The following CPLANE1 variants were observed in gnomAD, a reference collection of about 807,000 sequenced individuals.
The protein encoded by CPLANE1 is ciliogenesis and planar polarity effector complex subunit 1.
In CPLANE1, 263 loss-of-function variants were observed where a neutral mutation model predicts 362.5. The observed-to-expected ratio is 0.73, with a 90% CI of 0.66 to 0.80. The LOEUF (loss-of-function observed/expected upper bound fraction) is 0.80. Among genes scored for constraint, CPLANE1 ranks in the 30% least tolerant of loss-of-function variants. The pLI, the probability that CPLANE1 is intolerant of heterozygous loss-of-function variation, is 0.00. For missense variants in CPLANE1, 3,461 were observed against 3,793.4 expected, an observed-to-expected ratio of 0.91 and a Z score of 2.30; for synonymous variants, 1,212 against 1,302.6, an observed-to-expected ratio of 0.93 and a Z score of 1.50.
At chr5:37,086,100 T>C in the CPLANE1 span, among the ~76,000 whole-genome samples, 1 of 152,112 alleles carries the variant, frequency 6.6e-6, no homozygotes, top group South Asian at 2.1e-4. Context: ...AACACAATAA[T>C]AGTGGGGGAC....
At chr5:37,213,941 C>T (rs574125540) in intron 15 of CPLANE1, among the ~76,000 whole-genome samples, 1 of 152,126 alleles carries the variant, frequency 6.6e-6, no homozygotes, top group African/African-American at 2.4e-5. Context: ...TTGAACTTCA[C>T]GGGTTTGAAC....
intron 14 of CPLANE1, among the ~76,000 whole-genome samples, chr5:37,223,266 T>TA (rs1795742520): frequency 2.0e-5 from 3 of 152,220 alleles, no homozygotes; most frequent in Admixed American, 1.3e-4. Context: ...TACTCAATTT[T>TA]AAATGTCAAC....
intron 15 of CPLANE1, among the ~76,000 whole-genome samples, chr5:37,219,943 A>C (rs769044261): frequency 6.6e-6 from 1 of 152,148 alleles, no homozygotes; most frequent in Non-Finnish European, 1.5e-5. Context: ...TGAACATAAA[A>C]ATTTAAAAAG....
rs147492304 is a variant in CPLANE1, at chr5:37,108,494, C to T, written c.9401-23G>A. On this transcript the variant is annotated intron_variant, in intron 51 of 52. Transcript: ENST00000651892. ...AGCCTTTTAAGGGATAAGAACAAAG[C>T]ACACATTGGGATTGATTCATTCATT... 72 of 1,591,722 alleles carry T rather than the reference C, an allele frequency of 4.5e-5. No homozygotes were observed. The African/African-American group carries it at 8.1e-4, about 18-fold the overall frequency.
chr5:37,079,675 T>C, the CPLANE1 span, among the ~76,000 whole-genome samples: 6 of 152,208 alleles, frequency 3.9e-5, no homozygotes, highest in Non-Finnish European at 7.3e-5. Context: ...TCAGGGTCTC[T>C]ACGTCACAAG....
chr5:37,216,196 A>G (rs945986824), intron 15 of CPLANE1, among the ~76,000 whole-genome samples: 7 of 152,150 alleles, frequency 4.6e-5, no homozygotes, highest in Non-Finnish European at 7.3e-5. Flanking sequence ...TACTCCCATT[A>G]GTAATAGTAG....
chr5:37,248,223 G>C (rs1454214626), intron 1 of CPLANE1, among the ~76,000 whole-genome samples: 1 of 150,246 alleles, frequency 6.7e-6, no homozygotes, highest in Non-Finnish European at 1.5e-5. Flanking sequence ...CGCCTCCCGG[G>C]TTCAAGCGAT....
chr5:37,139,501 T>C (rs1561376831), intron 44 of CPLANE1, 131 bp from the exon 45 acceptor site: 1 of 1,095,698 alleles, frequency 9.1e-7, no homozygotes, highest in Non-Finnish European at 1.2e-6. Context: ...TTTATAGATA[T>C]ATATTTACAG....
rs190905045 is a variant in CPLANE1, at chr5:37,143,315, G to T, written c.8462-835C>A. 1.1e-4 allele frequency among the ~76,000 whole-genome samples: 16 copies of T among 152,230 alleles called. No individual in the cohort carries two copies. In the East Asian group the frequency reaches 2.9e-3, roughly 28 times the overall value. ...AACCATGAAAGACAGTCAGTATGCA[G>T]ATTCAACAATTGATAATGTGCACAT... On this transcript the variant is annotated intron_variant, in intron 43 of 52. Coordinates refer to ENST00000651892, the MANE Select transcript of CPLANE1 (RefSeq NM_001384732.1).
At chr5:37,201,912 T>C (rs1789297719) in intron 18 of CPLANE1, 104 bp from the exon 19 acceptor site, 2 of 719,544 alleles carry the variant, frequency 2.8e-6, no homozygotes, top group Admixed American at 2.7e-5. Flanking sequence ...TTGTCAAGAA[T>C]GAACACATTG....
At chr5:37,081,243 C>A in the CPLANE1 span, among the ~76,000 whole-genome samples, 1 of 152,082 alleles carries the variant, frequency 6.6e-6, no homozygotes, top group Non-Finnish European at 1.5e-5. Flanking sequence ...TTGAGATGCC[C>A]CAAAGACTTT....
At chr5:37,242,720 G>A (rs1800822883) in intron 6 of CPLANE1, among the ~76,000 whole-genome samples, 1 of 151,998 alleles carries the variant, frequency 6.6e-6, no homozygotes, top group South Asian at 2.1e-4. Context: ...AGATAATAAT[G>A]TTTAAAAAGG....
intron 41 of CPLANE1, among the ~76,000 whole-genome samples, chr5:37,156,720 T>C (rs916389009): frequency 1.3e-5 from 2 of 152,148 alleles, no homozygotes; most frequent in African/African-American, 4.8e-5. Flanking sequence ...TGAATATTTA[T>C]AAGTACTATT....
the CPLANE1 span, among the ~76,000 whole-genome samples, chr5:37,096,852 C>T: frequency 6.6e-6 from 1 of 151,870 alleles, no homozygotes; most frequent in Non-Finnish European, 1.5e-5. Context: ...AAGCACAATG[C>T]GATACCACCT....
the CPLANE1 span, among the ~76,000 whole-genome samples, chr5:37,090,373 T>C: frequency 6.6e-6 from 1 of 152,210 alleles, no homozygotes; most frequent in Admixed American, 6.5e-5. Flanking sequence ...GTCAGTTACT[T>C]ACTAAAGTCA....
In CPLANE1 at chr5:37,169,516, G is replaced by A. The variant is rs1201263396; in HGVS notation, c.6508C>T (p.Pro2170Ser). 2 of 1,613,498 alleles carry A rather than the reference G, an allele frequency of 1.2e-6. No individual in the cohort carries two copies. The highest frequency in any genetic ancestry group is 1.7e-4 in the Middle Eastern group (1 of 6,060). Residue 2170 changes from proline (P) to serine (S), a missense_variant, in exon 34 of 53, where the codon CCC becomes TCC. By Grantham distance (74) the Pro-to-Ser change is moderately conservative. Transcript: ENST00000651892. ...SIPLCQLNGQ[P>S]RKKGPIPSSQ... Reference sequence around the variant, plus strand: ...GATGGAATTGGTCCTTTTTTCCGGGGCTGGCCATTTAATTGACATAAAGGA... The same window carrying A: ...GATGGAATTGGTCCTTTTTTCCGGGACTGGCCATTTAATTGACATAAAGGA...
At chr5:37,087,273 G>A in the CPLANE1 span, among the ~76,000 whole-genome samples, 2 of 152,114 alleles carry the variant, frequency 1.3e-5, no homozygotes. Flanking sequence ...GCTCTAGTAA[G>A]GACAGCTTTG....
At chr5:37,117,498 A>T (rs1761357314) in intron 50 of CPLANE1, among the ~76,000 whole-genome samples, 1 of 152,158 alleles carries the variant, frequency 6.6e-6, no homozygotes, top group East Asian at 1.9e-4. Flanking sequence ...GTAGAATATT[A>T]AATTGATTAT....
intron 37 of CPLANE1, among the ~76,000 whole-genome samples, chr5:37,162,997 A>G (rs1226038557): frequency 6.6e-6 from 1 of 152,198 alleles, no homozygotes; most frequent in Non-Finnish European, 1.5e-5. Flanking sequence ...GGCTTTCTCA[A>G]TGAAGTGTTA....
Sources: allele counts gnomAD v4.1 joint callset (sites outside exome capture counted in the v4.1 genomes callset), GRCh38; gene constraint gnomAD v4.1.1; transcripts MANE v1.5; gene names NCBI Gene and HGNC (gene_info 2026-07-23, HGNC 2026-07-21).